Variants in HHAT observed in about 807,000 individuals in gnomAD.
HHAT encodes protein-cysteine N-palmitoyltransferase HHAT.
A neutral mutation model predicts 70.8 loss-of-function variants in HHAT; 47 were observed. The observed-to-expected ratio is 0.66, with a 90% confidence interval of 0.53 to 0.85. HHAT has a LOEUF of 0.85. Among genes scored for constraint, HHAT ranks in the 40% least tolerant of loss-of-function variants. The pLI is 0.00. For missense variants in HHAT, 609 were observed against 604.8 expected, an observed-to-expected ratio of 1.01 and a Z score of -0.07; for synonymous variants, 228 against 247.6, an observed-to-expected ratio of 0.92 and a Z score of 0.74.
intron 9 of HHAT, among the ~76,000 whole-genome samples, chr1:210,518,074 AT>A (rs2095089811): frequency 1.3e-5 from 2 of 152,274 alleles, no homozygotes; most frequent in Non-Finnish European, 2.9e-5. Flanking sequence ...CATCTCATAC[AT>A]TTATTATTTG....
At chr1:210,544,005 T>C (rs2095457454) in intron 9 of HHAT, among the ~76,000 whole-genome samples, 2 of 152,320 alleles carry the variant, frequency 1.3e-5, no homozygotes, top group South Asian at 2.1e-4. Context: ...TGCCCTTGGG[T>C]TGCAGGTGGC....
chr1:210,515,406 A>G (rs2095036901), intron 9 of HHAT, among the ~76,000 whole-genome samples: 1 of 152,102 alleles, frequency 6.6e-6, no homozygotes, highest in Admixed American at 6.6e-5. Flanking sequence ...TCTCCATCTC[A>G]CAGTAATCCC....
intron 8 of HHAT, among the ~76,000 whole-genome samples, chr1:210,497,548 G>C (rs1402356266): frequency 6.6e-6 from 1 of 152,104 alleles, no homozygotes; most frequent in African/African-American, 2.4e-5. Flanking sequence ...AAAGTTTCTT[G>C]GTTTGATGTT....
intron 8 of HHAT, among the ~76,000 whole-genome samples, chr1:210,500,981 G>T (rs999336289): frequency 3.9e-5 from 6 of 152,224 alleles, no homozygotes; most frequent in Non-Finnish European, 8.8e-5. Flanking sequence ...CCTCTGGGAA[G>T]CCCTTCCTGC....
At position 210,657,340 on chromosome 1, in the gene HHAT, C is replaced by T. The variant is rs374864606; in HGVS notation, c.1391-16948C>T. On this transcript the variant is annotated intron_variant, in intron 11 of 11. Transcript: ENST00000261458. ...GAAAACTCTTGCTCCACAATACCTC[C>T]AGCTTTCAACCAGTCCCAATCTTCA... Among the ~76,000 whole-genome samples, 375 of 152,328 alleles carry T rather than the reference C, an allele frequency of 2.5e-3. 4 individuals are homozygous for T. Among genetic ancestry groups the T allele is most frequent in the African/African-American group, 8.8e-3 (365 of 41,582 alleles).
intron 6 of HHAT, among the ~76,000 whole-genome samples, chr1:210,413,775 T>G (rs2092636031): frequency 6.6e-6 from 1 of 152,228 alleles, no homozygotes; most frequent in African/African-American, 2.4e-5. Context: ...TTCTGTTCAC[T>G]ACTGCTCAGC....
At chr1:210,511,488 T>C (rs2094950585) in intron 8 of HHAT, among the ~76,000 whole-genome samples, 1 of 152,196 alleles carries the variant, frequency 6.6e-6, no homozygotes, top group African/African-American at 2.4e-5. Flanking sequence ...ACCTGTCATA[T>C]GTCAGGTGGC....
intron 8 of HHAT, among the ~76,000 whole-genome samples, chr1:210,480,995 G>A (rs1220653618): frequency 6.6e-6 from 1 of 152,084 alleles, no homozygotes; most frequent in Non-Finnish European, 1.5e-5. Context: ...AACAAAACAG[G>A]CAAAAGCACA....
intron 7 of HHAT, among the ~76,000 whole-genome samples, chr1:210,446,977 T>C (rs904961896): frequency 5.9e-5 from 9 of 152,308 alleles, no homozygotes; most frequent in African/African-American, 1.7e-4. Context: ...AAACAATAGA[T>C]AGCTAATAAT....
chr1:210,438,504 T>C (rs2093431250), intron 7 of HHAT, among the ~76,000 whole-genome samples: 1 of 151,768 alleles, frequency 6.6e-6, no homozygotes, highest in South Asian at 2.1e-4. Flanking sequence ...TATACCCACA[T>C]ATATATATGT....
At chr1:210,544,372 T>G (rs1316373308) in intron 9 of HHAT, among the ~76,000 whole-genome samples, 2 of 72,184 alleles carry the variant, frequency 2.8e-5, no homozygotes, top group Non-Finnish European at 8.1e-5. Flanking sequence ...CTTTCGTTTT[T>G]TTTTTTTTTT....
chr1:210,429,980 A>T (rs552290905), intron 7 of HHAT, among the ~76,000 whole-genome samples: 9 of 152,030 alleles, frequency 5.9e-5, no homozygotes, highest in African/African-American at 2.2e-4. Context: ...TTCCATCATA[A>T]ACTGGAGCTG....
rs192976843 is a variant in HHAT, at chr1:210,551,204, C to T, written c.1044-36694C>T. Among the ~76,000 whole-genome samples the T allele has an allele frequency of 7.4e-5, 11 of 148,704 alleles. 1 individual carries two copies. Among genetic ancestry groups the T allele is most frequent in the East Asian group, 2.3e-4 (1 of 4,440 alleles). ...AGGATGTGATATGTACTCCATCGAC[C>T]GAATTAAAGTGCCTTCAGAGGTTCT... is the stretch of plus-strand genomic sequence containing the variant. On this transcript the variant is annotated intron_variant, in intron 9 of 11. Transcript: ENST00000261458.
intron 7 of HHAT, among the ~76,000 whole-genome samples, chr1:210,420,737 T>C (rs1310555936): frequency 6.6e-6 from 1 of 151,974 alleles, no homozygotes; most frequent in Non-Finnish European, 1.5e-5. Context: ...TATGCATGTC[T>C]CTGTGTGTGT....
intron 8 of HHAT, among the ~76,000 whole-genome samples, chr1:210,505,154 C>T (rs939799008): frequency 6.6e-6 from 1 of 152,196 alleles, no homozygotes; most frequent in African/African-American, 2.4e-5. Context: ...CCGCCTCGGC[C>T]TCCCAAAGTG....
chr1:210,507,285 C>T (rs528667543), intron 8 of HHAT, among the ~76,000 whole-genome samples: 9 of 151,650 alleles, frequency 5.9e-5, no homozygotes, highest in South Asian at 4.2e-4. Context: ...AATGTGTATT[C>T]TTTTCCTACT....
intron 9 of HHAT, among the ~76,000 whole-genome samples, chr1:210,568,184 G>T (rs78164678): frequency 6.6e-6 from 1 of 152,312 alleles, no homozygotes; most frequent in South Asian, 2.1e-4. Context: ...ATAGAAGTCC[G>T]AAAGGACAGA....
intron 11 of HHAT, among the ~76,000 whole-genome samples, chr1:210,653,468 T>G (rs1167408297): frequency 6.6e-6 from 1 of 150,516 alleles, no homozygotes; most frequent in African/African-American, 2.4e-5. Flanking sequence ...AAGTTGAGGC[T>G]GTAGTGAGCT....
intron 9 of HHAT, among the ~76,000 whole-genome samples, chr1:210,523,219 C>G (rs1465440681): frequency 6.6e-6 from 1 of 152,146 alleles, no homozygotes; most frequent in Non-Finnish European, 1.5e-5. Flanking sequence ...TCCATCTCAT[C>G]TCACCATTAT....
Sources: allele counts gnomAD v4.1 joint callset (sites outside exome capture counted in the v4.1 genomes callset), GRCh38; gene constraint gnomAD v4.1.1; transcripts MANE v1.5; gene names NCBI Gene and HGNC (gene_info 2026-07-23, HGNC 2026-07-21).